HMCN1: variants seen among roughly 807,000 people sequenced by gnomAD.
The protein encoded by HMCN1 is hemicentin 1.
Under a neutral mutation model 625.9 loss-of-function variants are expected in HMCN1, and 321 were observed. The observed-to-expected ratio is 0.51, with a 90% CI of 0.47 to 0.56. The LOEUF is 0.56. Among genes scored for constraint, HMCN1 ranks in the 20% least tolerant of loss-of-function variants. The probability of loss-of-function intolerance (pLI) is 0.00; values close to 1 mark genes in which losing one functional copy is unlikely to be tolerated. For missense variants in HMCN1, 6,588 were observed against 6,887.3 expected, an observed-to-expected ratio of 0.96 and a Z score of 1.54; for synonymous variants, 2,425 against 2,417.6, an observed-to-expected ratio of 1.00 and a Z score of -0.09.
At chr1:185,803,214 A>C (rs1023199577) in intron 1 of HMCN1, among the ~76,000 whole-genome samples, 15 of 126,982 alleles carry the variant, frequency 1.2e-4, no homozygotes, top group African/African-American at 7.5e-4. Flanking sequence ...GCAAAAAAAA[A>C]AAAAAAAAAC....
intron 42 of HMCN1, among the ~76,000 whole-genome samples, chr1:186,052,438 T>C (rs1481312435): frequency 6.6e-6 from 1 of 152,068 alleles, no homozygotes; most frequent in East Asian, 1.9e-4. Context: ...TGTAGGCCAG[T>C]AGAGAAGCAG....
chr1:185,982,446 T>G (rs901562533), intron 18 of HMCN1, 57 bp downstream of exon 18: 2 of 1,536,336 alleles, frequency 1.3e-6, no homozygotes, highest in Non-Finnish European at 1.8e-6. Context: ...CTTTTCTTTT[T>G]TTTTTTTTTT....
intron 42 of HMCN1, among the ~76,000 whole-genome samples, chr1:186,050,898 A>G (rs1158073192): frequency 2.0e-5 from 3 of 152,086 alleles, no homozygotes; most frequent in Non-Finnish European, 2.9e-5. Context: ...ATCTTTAAAT[A>G]GTCAAAATTA....
chr1:186,158,406 G>C lies in HMCN1; in HGVS notation c.15256+4419G>C, dbSNP rs1651183403. ...GTAGGTTGCCTGTTCACTCATGGTA[G>C]TTTCTTTTGCTGTGCAGAAGCTCTT... On this transcript the variant is annotated intron_variant, in intron 97 of 106. Transcript: ENST00000271588. 2.0e-5 allele frequency among the ~76,000 whole-genome samples: 3 copies of C among 152,114 alleles called. No homozygotes were observed. The South Asian group carries it at 6.2e-4, about 32-fold the overall frequency.
Position 186,108,520 on chromosome 1 carries a change from C to A in HMCN1, c.10912C>A (p.Gln3638Lys). Residue 3638 changes from glutamine (Q) to lysine (K), a missense_variant, in exon 71 of 107, where the codon CAA becomes AAA. This residue lies in a region of HMCN1 where 4,628 missense variants were observed against 4,853.1 expected (regional missense o/e 0.95). Coordinates refer to ENST00000271588, the MANE Select transcript of HMCN1 (RefSeq NM_031935.3). ...GGATATCACTGTGTTACGGAACAGA[C>A]AAGTGACATTGGAATGCAAGTCAGA... ...PRDITVLRNR[Q>K]VTLECKSDAV... 3 of 1,614,078 alleles carry A rather than the reference C, an allele frequency of 1.9e-6. 1 individual carries two copies. Among genetic ancestry groups the A allele is most frequent in the South Asian group, 2.2e-5 (2 of 91,080 alleles).
At chr1:185,876,003 T>C (rs968724767) in intron 4 of HMCN1, among the ~76,000 whole-genome samples, 1 of 152,078 alleles carries the variant, frequency 6.6e-6, no homozygotes, top group African/African-American at 2.4e-5. Context: ...GGGTTTCTAG[T>C]GTACCTAACA....
At chr1:186,074,476 AAAATGTAT>A (rs1488925865) in intron 52 of HMCN1, among the ~76,000 whole-genome samples, 2 of 152,196 alleles carry the variant, frequency 1.3e-5, no homozygotes, top group Admixed American at 1.3e-4. Flanking sequence ...ATTTATCATA[AAAATGTAT>A]AAATGCATCA....
chr1:185,997,325 T>A, intron 24 of HMCN1, 104 bp from the exon 25 acceptor site: 1 of 759,002 alleles, frequency 1.3e-6, no homozygotes, highest in Non-Finnish European at 2.4e-6. Context: ...AAAAGAAGAA[T>A]CAGCAGAGAT....
chr1:185,840,141 G>C (rs1661391559), intron 1 of HMCN1, among the ~76,000 whole-genome samples: 1 of 152,078 alleles, frequency 6.6e-6, no homozygotes, highest in Non-Finnish European at 1.5e-5. Flanking sequence ...ATTTAAAAAT[G>C]GTGCTGGACA....
At chr1:186,169,841 A>C (rs1652110287) in intron 100 of HMCN1, among the ~76,000 whole-genome samples, 1 of 152,208 alleles carries the variant, frequency 6.6e-6, no homozygotes, top group Non-Finnish European at 1.5e-5. Flanking sequence ...CGATCTAATT[A>C]AACTAAAGAG....
intron 25 of HMCN1, among the ~76,000 whole-genome samples, chr1:185,998,495 G>A (rs1213299149): frequency 6.6e-6 from 1 of 152,076 alleles, no homozygotes; most frequent in African/African-American, 2.4e-5. Flanking sequence ...GAGAATTAGG[G>A]AGGTGAAGCC....
chr1:185,815,577 T>A lies in HMCN1; in HGVS notation c.269-30449T>A, dbSNP rs140798759. 4.1e-3 allele frequency among the ~76,000 whole-genome samples: 615 copies of A among 150,084 alleles called. 71 individuals are homozygous for A. The highest frequency in any genetic ancestry group is 0.015 in the African/African-American group (584 of 39,498). The stretch of plus-strand genomic sequence containing the variant: ...CACTTCTATTATGTACATTATTTGC[T>A]GTGGGGATAATTTTGATATTTAGTG... On this transcript the variant is annotated intron_variant, in intron 1 of 106. Transcript: ENST00000271588.
In HMCN1 at chr1:185,949,213, C is replaced by T. The variant is rs1344501744; in HGVS notation, c.1829-13305C>T. Among the ~76,000 whole-genome samples, 8 of 151,496 alleles carry T rather than the reference C, an allele frequency of 5.3e-5. No homozygotes were observed. The East Asian group carries it at 7.7e-4, about 15-fold the overall frequency. On this transcript the variant is annotated intron_variant, in intron 11 of 106. Coordinates refer to ENST00000271588, the MANE Select transcript of HMCN1 (RefSeq NM_031935.3). ...GATGGCTTGGAAAAACAGTGTAAAC[C>T]GGCAGTGTAAACAAGAGCAGGGCAT...
At chr1:185,876,404 T>A (rs576489529) in intron 4 of HMCN1, among the ~76,000 whole-genome samples, 2 of 152,078 alleles carry the variant, frequency 1.3e-5, no homozygotes, top group Admixed American at 6.6e-5. Flanking sequence ...GTATAACAAT[T>A]TTTTTCCTTT....
intron 11 of HMCN1, among the ~76,000 whole-genome samples, chr1:185,959,811 T>G (rs1238755559): frequency 6.6e-6 from 1 of 152,172 alleles, no homozygotes; most frequent in Non-Finnish European, 1.5e-5. Context: ...GGTTTTACAT[T>G]GCAAATAAAG....
chr1:186,052,297 C>T (rs556141674), intron 42 of HMCN1, among the ~76,000 whole-genome samples: 4 of 152,060 alleles, frequency 2.6e-5, no homozygotes, highest in Non-Finnish European at 4.4e-5. Flanking sequence ...AAGAACAAGC[C>T]GTCTACCAGC....
intron 4 of HMCN1, among the ~76,000 whole-genome samples, chr1:185,888,379 T>C (rs1664813550): frequency 6.9e-6 from 1 of 144,740 alleles, no homozygotes; most frequent in Admixed American, 6.6e-5. Context: ...ATGAAGTCCT[T>C]GCCCATGCGT....
At chr1:186,040,942 A>AAG in intron 39 of HMCN1, 71 bp from the exon 40 acceptor site, 1 of 1,555,334 alleles carries the variant, frequency 6.4e-7, no homozygotes, top group East Asian at 2.3e-5. Flanking sequence ...TCAAAAAAAT[A>AAG]AGAGAAAAAA....
chr1:186,121,996 T>A (rs184390247), intron 80 of HMCN1, among the ~76,000 whole-genome samples: 101 of 152,314 alleles, frequency 6.6e-4, no homozygotes, highest in African/African-American at 2.4e-3. Context: ...CCCAAAAGTA[T>A]TCATTGGTTT....
Sources: allele counts gnomAD v4.1 joint callset (sites outside exome capture counted in the v4.1 genomes callset), GRCh38; gene constraint gnomAD v4.1.1; regional missense constraint gnomAD v4.1.1; transcripts MANE v1.5; gene names NCBI Gene and HGNC (gene_info 2026-07-23, HGNC 2026-07-21).